The following SLC14A2 variants were observed in gnomAD, a reference collection of about 807,000 sequenced individuals.
SLC14A2 encodes the protein solute carrier family 14 member 2, also known as urea transporter 2.
A neutral mutation model predicts 104.6 loss-of-function variants in SLC14A2; 91 were observed. The ratio of observed to expected loss-of-function variants is 0.87; its 90% CI spans 0.73 to 1.04. SLC14A2 has a LOEUF of 1.04. Ranked by LOEUF, SLC14A2 falls within the 50% of genes least tolerant of loss-of-function variation. The pLI is 0.00. For synonymous variants in SLC14A2, 476 were observed against 466.4 expected, an observed-to-expected ratio of 1.02 and a Z score of -0.27; for missense variants, 1,189 against 1,156.0, an observed-to-expected ratio of 1.03 and a Z score of -0.41.
intron 14 of SLC14A2, 98 bp downstream of exon 14, chr18:45,668,120 G>A (rs928057483): frequency 1.6e-6 from 2 of 1,258,594 alleles, no homozygotes; most frequent in African/African-American, 3.0e-5. Context: ...CTCAAAATAA[G>A]GACACTGACA....
chr18:45,676,547 A>G (rs1433995422), intron 18 of SLC14A2, among the ~76,000 whole-genome samples: 1 of 151,830 alleles, frequency 6.6e-6, no homozygotes, highest in African/African-American at 2.4e-5. Flanking sequence ...CCCCTTCCCC[A>G]GGAACATTTG....
intron 2 of SLC14A2, among the ~76,000 whole-genome samples, chr18:45,589,380 AACAC>A (rs1568288442): frequency 1.3e-5 from 2 of 152,050 alleles, no homozygotes; most frequent in African/African-American, 2.4e-5. Context: ...AGTGCACACA[AACAC>A]ACACACAAGG....
chr18:45,345,282 C>T (rs1419847872), intron 1 of SLC14A2, among the ~76,000 whole-genome samples: 1 of 152,148 alleles, frequency 6.6e-6, no homozygotes. Flanking sequence ...TGGTTCTAAT[C>T]GTTATTCATG....
chr18:45,305,904 T>C, intron 1 of SLC14A2, among the ~76,000 whole-genome samples: 1 of 152,230 alleles, frequency 6.6e-6, no homozygotes, highest in Non-Finnish European at 1.5e-5. Flanking sequence ...TTTTTAATAC[T>C]GTGTTTCTAA....
At chr18:45,343,316 G>C (rs1162753451) in intron 1 of SLC14A2, among the ~76,000 whole-genome samples, 2 of 152,046 alleles carry the variant, frequency 1.3e-5, no homozygotes, top group Non-Finnish European at 2.9e-5. Context: ...GGGCTGCCTT[G>C]TGCCTGCCAG....
Position 45,349,873 on chromosome 18 carries a change from G to A in SLC14A2, c.-124-133360G>A, listed in dbSNP as rs190330880. 3.5e-3 allele frequency among the ~76,000 whole-genome samples: 538 copies of A among 152,342 alleles called. 7 individuals carry two copies. The highest frequency in any genetic ancestry group is 4.6e-3 in the Non-Finnish European group (310 of 68,038). On this transcript the variant is annotated intron_variant, in intron 1 of 20. Coordinates refer to the SLC14A2 transcript ENST00000586448. The stretch of plus-strand genomic sequence containing the variant: ...ATCTCCAAGGTTTTTACATGCTTAG[G>A]TAATTTGGCAAAAGGCAATGTCTAA...
intron 1 of SLC14A2, among the ~76,000 whole-genome samples, chr18:45,237,221 G>A (rs1274871478): frequency 2.6e-5 from 4 of 152,150 alleles, no homozygotes; most frequent in African/African-American, 9.7e-5. Context: ...TCTCTCTTCT[G>A]ACATTTGAAA....
rs113010947 is a variant in SLC14A2 at position 45,223,602 on chromosome 18, C to G, written c.-125+10411C>G. Among the ~76,000 whole-genome samples, 868 of 152,242 alleles carry G rather than the reference C, an allele frequency of 5.7e-3. 4 individuals are homozygous for G. Among genetic ancestry groups the G allele is most frequent in the Middle Eastern group, 0.021 (6 of 292 alleles). On this transcript the variant is annotated intron_variant, in intron 1 of 20. Coordinates refer to the SLC14A2 transcript ENST00000586448. ...GTGTTGGTGGGAGGTACACACACCC[C>G]CTCCCCTGGCTAGGCTTCCATGGCT...
At chr18:45,676,210 A>G (rs1190254203) in intron 18 of SLC14A2, among the ~76,000 whole-genome samples, 1 of 152,212 alleles carries the variant, frequency 6.6e-6, no homozygotes, top group Non-Finnish European at 1.5e-5. Flanking sequence ...TGAGAAGTCA[A>G]GGAGTCCTGA....
upstream of SLC14A2, among the ~76,000 whole-genome samples, chr18:45,212,088 T>A (rs1335424327): frequency 6.6e-6 from 1 of 152,230 alleles, no homozygotes; most frequent in Non-Finnish European, 1.5e-5. Context: ...GTGATAGGGT[T>A]ATTTAATAAT....
intron 1 of SLC14A2, among the ~76,000 whole-genome samples, chr18:45,274,823 T>A (rs1416759381): frequency 6.6e-6 from 1 of 152,248 alleles, no homozygotes; most frequent in Non-Finnish European, 1.5e-5. Flanking sequence ...TGCTCCTTAT[T>A]GAACACATCC....
At chr18:45,345,893 C>A (rs1159019676) in intron 1 of SLC14A2, among the ~76,000 whole-genome samples, 1 of 152,184 alleles carries the variant, frequency 6.6e-6, no homozygotes, top group African/African-American at 2.4e-5. Flanking sequence ...ATGCCAGCTG[C>A]TCTCCGAAAT....
intron 1 of SLC14A2, among the ~76,000 whole-genome samples, chr18:45,265,320 A>T (rs971593892): frequency 2.6e-5 from 4 of 152,174 alleles, no homozygotes; most frequent in Non-Finnish European, 4.4e-5. Flanking sequence ...GAGTGAAGCA[A>T]ATTTCGGTAA....
At chr18:45,529,274 GTT>G (rs1287893421) in intron 2 of SLC14A2, 1 of 152,166 alleles carries the variant, frequency 6.6e-6, no homozygotes, top group Non-Finnish European at 1.5e-5. Context: ...AAAAAATACT[GTT>G]TTAAAAAGCA....
upstream of SLC14A2, among the ~76,000 whole-genome samples, chr18:45,210,915 C>T (rs1250042684): frequency 6.6e-6 from 1 of 152,130 alleles, no homozygotes; most frequent in Non-Finnish European, 1.5e-5. Flanking sequence ...CTCAGTACAA[C>T]TTCAAATATT....
chr18:45,393,772 A>G (rs1052899605), intron 1 of SLC14A2, among the ~76,000 whole-genome samples: 2 of 152,132 alleles, frequency 1.3e-5, no homozygotes, highest in Admixed American at 1.3e-4. Context: ...CCATTTTTCT[A>G]CCAGTGACTT....
chr18:45,225,847 G>C (rs2144006604), intron 1 of SLC14A2, among the ~76,000 whole-genome samples: 1 of 152,296 alleles, frequency 6.6e-6, no homozygotes, highest in East Asian at 1.9e-4. Flanking sequence ...TTTGTATCCT[G>C]AGACTTTGCT....
chr18:45,302,665 T>C (rs1723618447), intron 1 of SLC14A2, among the ~76,000 whole-genome samples: 2 of 152,194 alleles, frequency 1.3e-5, no homozygotes, highest in Admixed American at 1.3e-4. Context: ...GACACTCGGG[T>C]TCTATTATTG....
At chr18:45,625,197 A>G (rs973273138) in intron 2 of SLC14A2, among the ~76,000 whole-genome samples, 1 of 152,042 alleles carries the variant, frequency 6.6e-6, no homozygotes, top group Non-Finnish European at 1.5e-5. Context: ...GTAGAGAGGG[A>G]CTCAAGACTG....
Sources: gnomAD v4.1 joint callset for allele counts (sites outside exome capture counted in the v4.1 genomes callset) on GRCh38, gnomAD v4.1.1 for gene constraint, MANE v1.5 for transcripts, NCBI Gene and HGNC (gene_info 2026-07-23, HGNC 2026-07-21) for gene names.